The following RAB3IL1 variants were observed in gnomAD, a reference collection of about 807,000 sequenced individuals.
RAB3IL1 encodes guanine nucleotide exchange factor for Rab-3A.
RAB3IL1 carries 37 observed loss-of-function variants against 49.2 expected under a neutral mutation model. The observed-to-expected ratio is 0.75, with a 90% CI of 0.58 to 0.99. RAB3IL1 has a LOEUF of 0.99. Among genes scored for constraint, RAB3IL1 ranks in the 50% least tolerant of loss-of-function variants. The pLI, the probability that RAB3IL1 is intolerant of heterozygous loss-of-function variation, is 0.00. For missense variants in RAB3IL1, 484 were observed against 513.0 expected (o/e 0.94, Z 0.55); for synonymous variants, 193 against 213.9 (o/e 0.90, Z 0.85).
chr11:61,919,218 C>G (rs1171292736), upstream of RAB3IL1, among the ~76,000 whole-genome samples: 1 of 152,234 alleles, frequency 6.6e-6, no homozygotes, highest in Non-Finnish European at 1.5e-5. Flanking sequence ...GAGGAGGCGT[C>G]AGCTCAGGGC....
chr11:61,927,811 C>T, the RAB3IL1 span, among the ~76,000 whole-genome samples: 1 of 152,234 alleles, frequency 6.6e-6, no homozygotes, highest in East Asian at 1.9e-4. Flanking sequence ...GTGCCTGCTT[C>T]CCCTTCACCT....
intron 7 of RAB3IL1, 38 bp downstream of exon 7, chr11:61,904,508 C>A: frequency 6.4e-7 from 1 of 1,555,888 alleles, no homozygotes; most frequent in Non-Finnish European, 8.8e-7. Context: ...GCGGGGCTTT[C>A]CCACATGGGC....
chr11:61,908,597 C>T (rs1194005136), intron 1 of RAB3IL1, among the ~76,000 whole-genome samples: 1 of 152,188 alleles, frequency 6.6e-6, no homozygotes, highest in South Asian at 2.1e-4. Context: ...AGGTGGTCAG[C>T]GTCTTTGTCT....
At chr11:61,927,673 G>A in the RAB3IL1 span, among the ~76,000 whole-genome samples, 3 of 150,324 alleles carry the variant, frequency 2.0e-5, no homozygotes, top group Non-Finnish European at 3.0e-5. Context: ...CCTGGTGGGA[G>A]TTGACTGGGT....
the RAB3IL1 span, chr11:61,945,906 T>A: frequency 2.6e-6 from 2 of 761,878 alleles, no homozygotes; most frequent in Non-Finnish European, 3.2e-6. Context: ...CTGGGTTTGA[T>A]GAAGTTGGAC....
chr11:61,937,946 A>G, the RAB3IL1 span: 1 of 152,154 alleles, frequency 6.6e-6, no homozygotes, highest in African/African-American at 2.4e-5. Flanking sequence ...AGAGAAGATT[A>G]GCGTGGCCCC....
chr11:61,905,123 C>T (rs942002324), intron 5 of RAB3IL1, among the ~76,000 whole-genome samples: 3 of 152,158 alleles, frequency 2.0e-5, no homozygotes, highest in Admixed American at 6.5e-5. Flanking sequence ...AATTTCTTGG[C>T]GCTACTGGAT....
In RAB3IL1 at chr11:61,898,132, T is replaced by C. The variant is rs570781559; in HGVS notation, c.*146A>G. 3 of 731,492 alleles carry C rather than the reference T, an allele frequency of 4.1e-6. No homozygotes were observed. The highest frequency in any genetic ancestry group is 3.5e-5 in the African/African-American group (2 of 57,364). The allele number at this position is 731,492 out of a possible 1,614,324, so 45.3% of individuals were successfully genotyped here. A position where few individuals can be genotyped will look rare whatever the true frequency, so the allele number is the denominator to read the frequency against. The stretch of plus-strand genomic sequence containing the variant: ...CCCAGGATGGACGTGTGGTGCTGGC[T>C]CAGTGCTGCCTCCATGGCCTGTCTG... On this transcript the variant is annotated 3_prime_UTR_variant, in exon 10 of 10. Coordinates refer to ENST00000394836, the MANE Select transcript of RAB3IL1 (RefSeq NM_013401.4). The surrounding 1 kb of genome is among the most constrained non-coding windows in gnomAD (Gnocchi z 5.1).
chr11:61,906,825 C>G lies in RAB3IL1; in HGVS notation c.439-141G>C, dbSNP rs143946415. 1.2e-6 allele frequency: 1 copy of G among 802,648 alleles called. No individual in the cohort carries two copies. Among genetic ancestry groups the G allele is most frequent in the Non-Finnish European group, 2.1e-6 (1 of 481,536 alleles). 49.7% of individuals were successfully genotyped at this position (802,648 alleles called of 1,614,324 possible). A position where few individuals can be genotyped will look rare whatever the true frequency, so the allele number is the denominator to read the frequency against. On this transcript the variant is annotated intron_variant, in intron 4 of 9. Coordinates refer to ENST00000394836, the MANE Select transcript of RAB3IL1 (RefSeq NM_013401.4). The surrounding 1 kb of genome is among the most constrained non-coding windows in gnomAD (Gnocchi z 4.6). ...CACCCGACGCCCTCAGAACAGCCTT[C>G]GAGGCAGAGACCCAGACACTCGTTT...
At chr11:61,915,609 C>A (rs938913572) in intron 1 of RAB3IL1, among the ~76,000 whole-genome samples, 5 of 152,186 alleles carry the variant, frequency 3.3e-5, no homozygotes, top group Non-Finnish European at 7.3e-5. Context: ...AAACACAATT[C>A]ACCCCGGGCA....
rs150107094 is a variant in RAB3IL1 at position 61,906,509 on chromosome 11, G to C, written c.614C>G (p.Pro205Arg). 7.4e-5 allele frequency: 115 copies of C among 1,552,874 alleles called. No individual in the cohort carries two copies. The African/African-American group carries it at 1.3e-3, about 17-fold the overall frequency. The stretch of plus-strand genomic sequence containing the variant: ...TGGGGTGAGGGTGTGTCCCGCAGCG[G>C]GACACACGGCGGGGCAGAGGGTGCT... ...TSSTLCPAVC[P>R]AAGHTLTPDR... The change falls in exon 5 of 10, where the codon CCC becomes CGC. Residue 205 changes from proline to arginine, a missense_variant. Coordinates refer to ENST00000394836, the MANE Select transcript of RAB3IL1 (RefSeq NM_013401.4). The surrounding 1 kb of genome is among the most constrained non-coding windows in gnomAD (Gnocchi z 4.6).
chr11:61,930,275 T>C, the RAB3IL1 span, among the ~76,000 whole-genome samples: 1 of 152,166 alleles, frequency 6.6e-6, no homozygotes, highest in Admixed American at 6.5e-5. Context: ...TTAATGGGTA[T>C]GGAGTTTCAT....
chr11:61,920,114 C>T, upstream of RAB3IL1: 1 of 1,347,300 alleles, frequency 7.4e-7, no homozygotes, highest in South Asian at 1.9e-5. Flanking sequence ...GCGTAGCGGA[C>T]AGTCCCTGCA....
In RAB3IL1 at chr11:61,898,291, G is replaced by A. The variant is rs768169036; in HGVS notation, c.1136C>T (p.Pro379Leu). 9.3e-6 allele frequency: 15 copies of A among 1,613,252 alleles called. No homozygotes were observed. Among genetic ancestry groups the A allele is most frequent in the Middle Eastern group, 3.3e-4 (2 of 6,062 alleles). ...EMSLAKLGFF[P>L]QEA ...CTGGGCCGCGCCCTAAGCCTCCTGGGGGAAGAAGCCGAGCTTGGCCAGTGA... is the reference window on the plus strand; with the variant it reads ...CTGGGCCGCGCCCTAAGCCTCCTGGAGGAAGAAGCCGAGCTTGGCCAGTGA... The change falls in exon 10 of 10, where the codon CCC becomes CTC. Residue 379 changes from proline (P) to leucine (L), a missense_variant. By Grantham distance (98) the Pro-to-Leu change is moderately conservative. Coordinates refer to ENST00000394836, the MANE Select transcript of RAB3IL1 (RefSeq NM_013401.4). This position sits in a 1 kb window ranked among gnomAD's most constrained non-coding sequence, Gnocchi z 5.1.
the RAB3IL1 span, among the ~76,000 whole-genome samples, chr11:61,935,867 A>G: frequency 6.6e-6 from 1 of 152,166 alleles, no homozygotes; most frequent in African/African-American, 2.4e-5. Flanking sequence ...CATGAGAACT[A>G]TATCTCACTA....
At chr11:61,935,141 C>A in the RAB3IL1 span, among the ~76,000 whole-genome samples, 8 of 151,988 alleles carry the variant, frequency 5.3e-5, no homozygotes, top group Admixed American at 1.3e-4. Context: ...CTAATAGAAA[C>A]TGTTAGGTCA....
At chr11:61,914,203 A>G (rs753917902) in intron 1 of RAB3IL1, among the ~76,000 whole-genome samples, 16 of 152,170 alleles carry the variant, frequency 1.1e-4, no homozygotes, top group Non-Finnish European at 7.4e-5. Context: ...CAGTGAAGTG[A>G]CTTGCTCAGG....
chr11:61,898,908 G>A lies in RAB3IL1; in HGVS notation c.1066+406C>T. ...GCGAGCAAAGGTTGGTGGAGGAGCGGGGAGCCAGGCCTTGCAGAATGGGCT... is the reference window on the plus strand; with the variant it reads ...GCGAGCAAAGGTTGGTGGAGGAGCGAGGAGCCAGGCCTTGCAGAATGGGCT... On this transcript the variant is annotated intron_variant, in intron 9 of 9. Coordinates refer to ENST00000394836, the MANE Select transcript of RAB3IL1 (RefSeq NM_013401.4). This position sits in a 1 kb window ranked among gnomAD's most constrained non-coding sequence, Gnocchi z 5.1. 1 of 478,920 alleles carries A rather than the reference G, an allele frequency of 2.1e-6. No homozygotes were observed. Among genetic ancestry groups the A allele is most frequent in the Non-Finnish European group, 4.1e-6 (1 of 242,376 alleles). 29.7% of individuals were successfully genotyped at this position (478,920 alleles called of 1,614,324 possible).
upstream of RAB3IL1, chr11:61,920,074 C>T (rs1410063531): frequency 1.6e-6 from 2 of 1,284,830 alleles, no homozygotes; most frequent in African/African-American, 1.5e-5. Flanking sequence ...TCTCAAGTTC[C>T]CCTCAAGTAC....
Sources: gnomAD v4.1 joint callset for allele counts (sites outside exome capture counted in the v4.1 genomes callset) on GRCh38, gnomAD v4.1.1 for gene constraint, Gnocchi (gnomAD v3.1) non-coding constraint, MANE v1.5 for transcripts, NCBI Gene and HGNC (gene_info 2026-07-23, HGNC 2026-07-21) for gene names.